The following CAST variants were observed in gnomAD, a reference collection of about 807,000 sequenced individuals.
CAST encodes calpastatin.
Under a neutral mutation model 119.6 loss-of-function variants are expected in CAST, and 76 were observed. The observed-to-expected ratio is 0.64, with a 90% CI of 0.53 to 0.77. The LOEUF is 0.77. Among genes scored for constraint, CAST ranks in the 30% least tolerant of loss-of-function variants. The pLI, the probability that CAST is intolerant of heterozygous loss-of-function variation, is 0.00. For missense variants in CAST, 953 were observed against 946.5 expected, an observed-to-expected ratio of 1.01 and a Z score of -0.09; for synonymous variants, 319 against 331.6, an observed-to-expected ratio of 0.96 and a Z score of 0.41.
chr5:96,200,892 G>C, the CAST span, among the ~76,000 whole-genome samples: 1,104 of 152,186 alleles, frequency 7.3e-3, 19 homozygotes, highest in African/African-American at 0.026. Context: ...GCTTAAGTCT[G>C]ATCTACTATA....
At chr5:96,371,853 G>A in the CAST span, among the ~76,000 whole-genome samples, 1 of 152,096 alleles carries the variant, frequency 6.6e-6, no homozygotes, top group Non-Finnish European at 1.5e-5. Flanking sequence ...AACACAGCAG[G>A]ATTTATGACC....
chr5:96,560,467 G>A (rs961064547), intron 1 of CAST, among the ~76,000 whole-genome samples: 122 of 152,004 alleles, frequency 8.0e-4, no homozygotes, highest in Middle Eastern at 3.4e-3. Flanking sequence ...TCTGACAAAG[G>A]GCTAATATCC....
chr5:96,504,613 A>G, the CAST span, among the ~76,000 whole-genome samples: 2 of 151,128 alleles, frequency 1.3e-5, no homozygotes, highest in Non-Finnish European at 2.9e-5. Flanking sequence ...CCCCCTTCTC[A>G]TAGATTTATT....
At chr5:96,747,730 A>G (rs2150559646) in intron 18 of CAST, among the ~76,000 whole-genome samples, 1 of 152,294 alleles carries the variant, frequency 6.6e-6, no homozygotes, top group East Asian at 1.9e-4. Context: ...ATTTTGCCTT[A>G]AGTTGGTAGT....
chr5:96,742,779 A>G (rs1434368283), intron 16 of CAST, 23 bp downstream of exon 16: 1 of 1,546,792 alleles, frequency 6.5e-7, no homozygotes, highest in East Asian at 2.2e-5. Context: ...GAGTTGATTT[A>G]CAAAGCTTGT....
At chr5:96,238,709 A>G in the CAST span, among the ~76,000 whole-genome samples, 1 of 151,916 alleles carries the variant, frequency 6.6e-6, no homozygotes, top group African/African-American at 2.4e-5. Context: ...CTATATCTTC[A>G]TTTTTAATAG....
the CAST span, among the ~76,000 whole-genome samples, chr5:96,134,050 C>T: frequency 1.4e-4 from 22 of 152,316 alleles, no homozygotes; most frequent in Admixed American, 1.4e-3. Context: ...CACCGTAAAA[C>T]CTCCGTTTCT....
chr5:96,390,012 C>T, the CAST span, among the ~76,000 whole-genome samples: 2 of 152,218 alleles, frequency 1.3e-5, no homozygotes, highest in Non-Finnish European at 2.9e-5. Flanking sequence ...AGCTGCTTTA[C>T]TCTAGCCTGT....
At chr5:96,288,038 C>A in the CAST span, among the ~76,000 whole-genome samples, 4 of 152,094 alleles carry the variant, frequency 2.6e-5, no homozygotes, top group Non-Finnish European at 4.4e-5. Flanking sequence ...AAATATTTCA[C>A]TTTTTAAAAA....
chr5:96,445,237 G>C, the CAST span, among the ~76,000 whole-genome samples: 28 of 152,234 alleles, frequency 1.8e-4, no homozygotes, highest in African/African-American at 4.8e-4. Context: ...ATGGTTTTCT[G>C]GCAATAAAAA....
the CAST span, among the ~76,000 whole-genome samples, chr5:96,071,323 A>G: frequency 6.6e-6 from 1 of 151,988 alleles, no homozygotes; most frequent in Non-Finnish European, 1.5e-5. Context: ...TCCCCCAGCT[A>G]CTACCACCAT....
the CAST span, among the ~76,000 whole-genome samples, chr5:96,453,239 A>G: frequency 6.6e-6 from 1 of 152,208 alleles, no homozygotes. Flanking sequence ...GTTAATTTTC[A>G]CCACTGTGTG....
At chr5:96,628,094 C>G (rs186209358) in intron 1 of CAST, among the ~76,000 whole-genome samples, 1 of 152,318 alleles carries the variant, frequency 6.6e-6, no homozygotes, top group East Asian at 1.9e-4. Context: ...TGTTAAGCAT[C>G]CTTTTAAAGT....
intron 1 of CAST, among the ~76,000 whole-genome samples, chr5:96,555,803 G>A (rs1746227480): frequency 6.6e-6 from 1 of 152,224 alleles, no homozygotes; most frequent in Admixed American, 6.5e-5. Flanking sequence ...CTAGGGGCAG[G>A]GCATAGCCAA....
At chr5:96,714,340 T>C (rs1347279991) in intron 3 of CAST, among the ~76,000 whole-genome samples, 1 of 152,224 alleles carries the variant, frequency 6.6e-6, no homozygotes, top group East Asian at 1.9e-4. Flanking sequence ...TTAAGCACAT[T>C]ATTTAATGCC....
chr5:96,325,938 C>G, the CAST span, among the ~76,000 whole-genome samples: 1 of 152,206 alleles, frequency 6.6e-6, no homozygotes, highest in African/African-American at 2.4e-5. Context: ...CATTAAGTCT[C>G]TCCACATATC....
intron 1 of CAST, among the ~76,000 whole-genome samples, chr5:96,551,384 C>T (rs972883592): frequency 2.0e-5 from 3 of 152,070 alleles, no homozygotes. Flanking sequence ...TTTTTGTCAC[C>T]CCCAGGCCTG....
chr5:96,173,683 G>T, the CAST span, among the ~76,000 whole-genome samples: 1 of 151,920 alleles, frequency 6.6e-6, no homozygotes, highest in Non-Finnish European at 1.5e-5. Flanking sequence ...TTTGATGTTT[G>T]GGGTATTATT....
the CAST span, among the ~76,000 whole-genome samples, chr5:96,440,676 G>A: frequency 7.2e-5 from 11 of 152,116 alleles, no homozygotes; most frequent in East Asian, 7.7e-4. Context: ...TTAGGGTAGG[G>A]CCATACATAC....
Sources: gnomAD v4.1 joint callset for allele counts (sites outside exome capture counted in the v4.1 genomes callset) on GRCh38, gnomAD v4.1.1 for gene constraint, MANE v1.5 for transcripts, NCBI Gene and HGNC (gene_info 2026-07-23, HGNC 2026-07-21) for gene names.